TBL1X: variants seen among roughly 807,000 people sequenced by gnomAD.
The protein encoded by TBL1X is transducin beta like 1 X-linked.
Under a neutral mutation model 50.7 loss-of-function variants are expected in TBL1X, and 10 were observed. That is an observed-to-expected ratio of 0.20 (90% confidence interval 0.12 to 0.33). The LOEUF (loss-of-function observed/expected upper bound fraction) is 0.33, where lower values mean the gene tolerates loss of function less well. Ranked by LOEUF, TBL1X falls within the 10% of genes least tolerant of loss-of-function variation. TBL1X has a pLI of 1.00. For synonymous variants in TBL1X, 190 were observed against 214.7 expected (o/e 0.88, Z 1.01); for missense variants, 340 against 504.4 (o/e 0.67, Z 3.12).
chrX:9,518,218 A>G (rs764971565), intron 2 of TBL1X, among the ~76,000 whole-genome samples: 18 of 112,523 alleles, frequency 1.6e-4, no homozygotes, highest in South Asian at 3.7e-4. Context: ...CATATTTTCT[A>G]TGGTTGCTTT....
intron 2 of TBL1X, among the ~76,000 whole-genome samples, chrX:9,607,377 A>G (rs2082589110): frequency 8.8e-6 from 1 of 113,155 alleles, no homozygotes; most frequent in Admixed American, 9.3e-5. Context: ...CAAGGCAGAA[A>G]GAAGTCCAGT....
At chrX:9,621,578 G>A (rs1032159634) in intron 2 of TBL1X, among the ~76,000 whole-genome samples, 8 of 111,990 alleles carry the variant, frequency 7.1e-5, no homozygotes, top group African/African-American at 2.3e-4. Context: ...GAGAAATGAT[G>A]CACTCTGCTA....
intron 5 of TBL1X, among the ~76,000 whole-genome samples, chrX:9,665,526 TATATATATATATAA>T (rs1316744540): frequency 5.7e-5 from 3 of 52,881 alleles, no homozygotes; most frequent in East Asian, 7.2e-4. Flanking sequence ...TATATATATA[TATATATATATATAA>T]AAGGCCTTGG....
At chrX:9,679,387 ATGCTGTGCTTGAGAAGCCC>A (rs1211617453) in intron 5 of TBL1X, among the ~76,000 whole-genome samples, 3 of 111,268 alleles carry the variant, frequency 2.7e-5, no homozygotes, top group Non-Finnish European at 5.7e-5. Flanking sequence ...AAAGTCAGCC[ATGCTGTGCTTGAGAAGCCC>A]TGCTGTCAAG....
intron 3 of TBL1X, among the ~76,000 whole-genome samples, chrX:9,642,847 A>G (rs1051718809): frequency 4.4e-5 from 5 of 112,369 alleles, no homozygotes; most frequent in African/African-American, 1.6e-4. Flanking sequence ...AGAAAACCCT[A>G]TTTATAGACA....
At chrX:9,500,039 C>G (rs981626188) in intron 1 of TBL1X, among the ~76,000 whole-genome samples, 1 of 108,415 alleles carries the variant, frequency 9.2e-6, no homozygotes, top group Non-Finnish European at 1.9e-5. Context: ...GATCCCAGTG[C>G]TTTGGGAGGC....
chrX:9,468,723 G>T, intron 1 of TBL1X, among the ~76,000 whole-genome samples: 1 of 110,748 alleles, frequency 9.0e-6, no homozygotes. Flanking sequence ...GAGAGAGGAG[G>T]TGGGTAGGAG....
intron 2 of TBL1X, among the ~76,000 whole-genome samples, chrX:9,597,149 A>G (rs1426953750): frequency 8.9e-6 from 1 of 111,935 alleles, no homozygotes; most frequent in Non-Finnish European, 1.9e-5. Context: ...GACTCAGGAA[A>G]AAGCAAGTTA....
chrX:9,653,774 C>T (rs933629994), intron 4 of TBL1X, 85 bp downstream of exon 4: 1 of 871,168 alleles, frequency 1.1e-6, no homozygotes, highest in African/African-American at 2.0e-5. Flanking sequence ...GGTCACCTCT[C>T]CATGTGTCCA....
intron 5 of TBL1X, among the ~76,000 whole-genome samples, chrX:9,670,078 G>A (rs1249591440): frequency 1.8e-5 from 2 of 111,555 alleles, no homozygotes; most frequent in Non-Finnish European, 3.8e-5. Flanking sequence ...GGATGAGAGG[G>A]GCTTGAATTC....
At chrX:9,710,531 C>T (rs921206238) in intron 15 of TBL1X, among the ~76,000 whole-genome samples, 2 of 111,793 alleles carry the variant, frequency 1.8e-5, no homozygotes, top group African/African-American at 6.5e-5. Flanking sequence ...GCTTTTGCGT[C>T]GCGTGGTACT....
At chrX:9,711,226 G>C (rs919779465) in intron 15 of TBL1X, among the ~76,000 whole-genome samples, 2 of 108,780 alleles carry the variant, frequency 1.8e-5, no homozygotes, top group Non-Finnish European at 3.8e-5. Flanking sequence ...TATGGTTGCA[G>C]CTTCTCTGCT....
At chrX:9,487,264 TC>T (rs1170278324) in intron 1 of TBL1X, among the ~76,000 whole-genome samples, 1 of 111,627 alleles carries the variant, frequency 9.0e-6, no homozygotes, top group Non-Finnish European at 1.9e-5. Context: ...TTTTCATCAC[TC>T]CCAAAGGAGA....
intron 1 of TBL1X, among the ~76,000 whole-genome samples, chrX:9,487,382 A>G (rs1375372542): frequency 1.8e-5 from 2 of 110,938 alleles, no homozygotes; most frequent in African/African-American, 6.6e-5. Flanking sequence ...TGGACATTTC[A>G]TAGATACAGA....
At chrX:9,466,343 G>C (rs2081774533) in intron 1 of TBL1X, among the ~76,000 whole-genome samples, 1 of 112,425 alleles carries the variant, frequency 8.9e-6, no homozygotes, top group Non-Finnish European at 1.9e-5. Context: ...CGCCTGCGCT[G>C]GGATAGGGCC....
intron 1 of TBL1X, among the ~76,000 whole-genome samples, chrX:9,477,804 C>T (rs1569201773): frequency 9.0e-6 from 1 of 111,574 alleles, no homozygotes; most frequent in African/African-American, 3.3e-5. Flanking sequence ...CCAATAAGAT[C>T]GCTCCTACTC....
At chrX:9,673,258 C>A (rs963513815) in intron 5 of TBL1X, among the ~76,000 whole-genome samples, 2 of 112,509 alleles carry the variant, frequency 1.8e-5, no homozygotes, top group Admixed American at 1.9e-4. Flanking sequence ...CTACTGCCTC[C>A]TTGTCTTCAG....
chrX:9,587,982 A>G (rs1266311794), intron 2 of TBL1X, among the ~76,000 whole-genome samples: 3 of 111,717 alleles, frequency 2.7e-5, no homozygotes, highest in Non-Finnish European at 5.6e-5. Flanking sequence ...CCTTTCTGTT[A>G]CACAGTACTG....
intron 2 of TBL1X, among the ~76,000 whole-genome samples, chrX:9,628,383 A>C (rs1172493182): frequency 9.0e-6 from 1 of 111,323 alleles, no homozygotes; most frequent in Non-Finnish European, 1.9e-5. Context: ...GGGCAAAATC[A>C]CGCCTGCTTG....
Sources: gnomAD v4.1 joint callset for allele counts (sites outside exome capture counted in the v4.1 genomes callset) on GRCh38, gnomAD v4.1.1 for gene constraint, MANE v1.5 for transcripts, NCBI Gene and HGNC (gene_info 2026-07-23, HGNC 2026-07-21) for gene names.